Variants in SALL3 observed in about 807,000 individuals in gnomAD.
The protein encoded by SALL3 is spalt like transcription factor 3, also known as sal-like protein 3.
In SALL3, 25 loss-of-function variants were observed where a neutral mutation model predicts 66.2. The observed-to-expected ratio is 0.38, with a 90% CI of 0.28 to 0.53. SALL3 has a LOEUF of 0.53. SALL3 is among the 20% of genes least tolerant of loss of function. The pLI is 0.85. For synonymous variants in SALL3, 1,152 were observed against 899.1 expected (o/e 1.28, Z -5.03); for missense variants, 2,194 against 1,916.5 (o/e 1.14, Z -2.70).
rs112854456 is a variant in SALL3 at position 78,979,868 on chromosome 18, G to A, written c.-407G>A. On this transcript the variant is annotated 5_prime_UTR_variant, in exon 1 of 3. Coordinates refer to ENST00000537592, the MANE Select transcript of SALL3 (RefSeq NM_171999.4). ...CAAAGTTTGCTGCCTGCGCCCTGCG[G>A]AGGGACGGCCACCGCGGCCCGCGCC... 0.24 allele frequency among the ~76,000 whole-genome samples: 35,011 copies of A among 144,156 alleles called. 5,011 individuals are homozygous for A. The highest frequency in any genetic ancestry group is 0.54 in the East Asian group (2,566 of 4,762). 94.6% of individuals were successfully genotyped at this position (144,156 alleles called of 152,430 possible).
intron 1 of SALL3, among the ~76,000 whole-genome samples, chr18:78,989,119 A>G (rs757307378): frequency 2.1e-4 from 32 of 152,336 alleles, no homozygotes; most frequent in Non-Finnish European, 4.0e-4. Flanking sequence ...ATTGCTTTAA[A>G]CAAAATGACT....
chr18:78,995,726 C>T (rs1486736159), intron 2 of SALL3, among the ~76,000 whole-genome samples: 1 of 151,588 alleles, frequency 6.6e-6, no homozygotes, highest in East Asian at 1.9e-4. Flanking sequence ...TGTGTAGGTG[C>T]CCTATGTGTG....
In SALL3 at chr18:78,993,161, G is replaced by A; in HGVS notation, c.1170G>A (p.Leu390=). The change falls in exon 2 of 3, where the codon CTG becomes CTA. Residue 390 remains leucine (L), a synonymous_variant. Transcript: ENST00000537592. ...CCACGGCCAACGCTCTGGACCCGCT[G>A]TCCGCGCTCATGAAGCACCGCAAGG... ...IAATANALDP[L]SALMKHRKGK... The A allele has an allele frequency of 6.2e-7, 1 of 1,607,644 alleles. No individual in the cohort carries two copies. The highest frequency in any genetic ancestry group is 8.5e-7 in the Non-Finnish European group (1 of 1,178,118).
rs1208216455 is a variant in SALL3, at chr18:78,979,835, G to C, written c.-440G>C. ...GCGCCGGCGGAGACGGCGCCGCGCG[G>C]ACGCCGCCAAAGTTTGCTGCCTGCG... On this transcript the variant is annotated 5_prime_UTR_variant, in exon 1 of 3. Transcript: ENST00000537592. Among the ~76,000 whole-genome samples, 1 of 144,914 alleles carries C rather than the reference G, an allele frequency of 6.9e-6. No homozygotes were observed. Among genetic ancestry groups the C allele is most frequent in the Non-Finnish European group, 1.5e-5 (1 of 65,266 alleles).
At position 78,997,025 on chromosome 18, in the gene SALL3, T is replaced by C; in HGVS notation, c.3606T>C (p.Ala1202=). 1.2e-6 allele frequency: 2 copies of C among 1,614,136 alleles called. No individual in the cohort carries two copies. Among genetic ancestry groups the C allele is most frequent in the Non-Finnish European group, 1.7e-6 (2 of 1,180,036 alleles). ...FSEMFQKDLA[A]RAMNVDPSFW... is the part of the protein sequence containing the mutation. Reference sequence around the variant, plus strand: ...AAATGTTCCAGAAGGACCTGGCAGCTCGGGCAATGAACGTCGACCCCAGTT... The same window carrying C: ...AAATGTTCCAGAAGGACCTGGCAGCCCGGGCAATGAACGTCGACCCCAGTT... The change falls in exon 3 of 3, where the codon GCT becomes GCC. Residue 1202 remains alanine, a synonymous_variant. Transcript: ENST00000537592.
rs1568294807 is a variant in SALL3 at position 78,993,395 on chromosome 18, G to A, written c.1404G>A (p.Gln468=). Residue 468 remains glutamine (Q), a synonymous_variant, in exon 2 of 3, where the codon CAG becomes CAA. Coordinates refer to ENST00000537592, the MANE Select transcript of SALL3 (RefSeq NM_171999.4). ...AAGGCAACCTGAAGGTGCACTTCCA[G>A]AGGCACAAGGAGAAGTACCCCCACA... ...STKGNLKVHF[Q]RHKEKYPHIQ... 6 of 1,612,654 alleles carry A rather than the reference G, an allele frequency of 3.7e-6. No individual in the cohort carries two copies. The Admixed American group carries it at 8.3e-5, about 22-fold the overall frequency.
rs967440323 is a variant in SALL3, at chr18:78,993,604, A to C, written c.1613A>C (p.His538Pro). 3 of 1,585,460 alleles carry C rather than the reference A, an allele frequency of 1.9e-6. No homozygotes were observed. The highest frequency in any genetic ancestry group is 2.6e-6 in the Non-Finnish European group (3 of 1,173,170). Residue 538 changes from histidine (H) to proline (P), a missense_variant, in exon 2 of 3, where the codon CAC becomes CCC. Transcript: ENST00000537592. ...CTGCCGCCCACTGTCCCTGGCGCGC[A>C]CGGCTACGCCGACTCTCCCAGCGCC... is the stretch of plus-strand genomic sequence containing the variant. ...LQLPPTVPGAHGYADSPSATP... is the reference protein window; with the variant it reads ...LQLPPTVPGAPGYADSPSATP...
In SALL3 at chr18:78,992,276, C is replaced by T; in HGVS notation, c.285C>T (p.Pro95=). 1 of 1,544,000 alleles carries T rather than the reference C, an allele frequency of 6.5e-7. No homozygotes were observed. The highest frequency in any genetic ancestry group is 1.4e-5 in the African/African-American group (1 of 70,812). ...DAPAPPPEDF[P]EPSPASSPSE... is the part of the protein sequence containing the mutation. ...CCGCGCCGCCCCCCGAGGACTTCCC[C>T]GAGCCTTCGCCCGCCAGCTCCCCCA... is the stretch of plus-strand genomic sequence containing the variant. Residue 95 remains proline, a synonymous_variant, in exon 2 of 3, where the codon CCC becomes CCT. Coordinates refer to ENST00000537592, the MANE Select transcript of SALL3 (RefSeq NM_171999.4).
rs1301932139 is a variant in SALL3 at position 78,994,855 on chromosome 18, G to T, written c.2864G>T (p.Gly955Val). The change falls in exon 2 of 3, where the codon GGC (glycine) becomes GTC (valine). Residue 955 changes from glycine (G) to valine (V), a missense_variant. Physicochemically the swap from Gly to Val is moderately radical, Grantham distance 109. Transcript: ENST00000537592. Reference protein sequence around the residue: ...PGSGGAPGRAGIKEEAPFSLL... With the variant: ...PGSGGAPGRAVIKEEAPFSLL... ...AGCGGAGGCGCCCCTGGCCGCGCGG[G>T]CATCAAGGAGGAGGCGCCCTTCAGC... is the stretch of plus-strand genomic sequence containing the variant. 1 of 1,602,420 alleles carries T rather than the reference G, an allele frequency of 6.2e-7. No individual in the cohort carries two copies. The highest frequency in any genetic ancestry group is 1.7e-5 in the Admixed American group (1 of 58,420).
At position 78,997,249 on chromosome 18, in the gene SALL3, C is replaced by A; in HGVS notation, c.3830C>A (p.Ala1277Glu). Reference protein sequence around the residue: ...SSPPIVSLDKASSETAASRPF... With the variant: ...SSPPIVSLDKESSETAASRPF... ...CCACCCATCGTCAGCTTGGACAAAGCGAGCTCAGAAACAGCAGCCAGCCGC... is the reference window on the plus strand; with the variant it reads ...CCACCCATCGTCAGCTTGGACAAAGAGAGCTCAGAAACAGCAGCCAGCCGC... Residue 1277 changes from alanine (A) to glutamate (E), a missense_variant, in exon 3 of 3, where the codon GCG becomes GAG. Coordinates refer to ENST00000537592, the MANE Select transcript of SALL3 (RefSeq NM_171999.4). The A allele has an allele frequency of 6.2e-7, 1 of 1,614,028 alleles. No homozygotes were observed. Among genetic ancestry groups the A allele is most frequent in the Non-Finnish European group, 8.5e-7 (1 of 1,180,034 alleles).
At chr18:78,987,335 A>G (rs941931526) in intron 1 of SALL3, among the ~76,000 whole-genome samples, 45 of 152,246 alleles carry the variant, frequency 3.0e-4, no homozygotes, top group African/African-American at 1.0e-3. Context: ...ACTCCTAAGA[A>G]TAGGAACATT....
At chr18:78,986,230 A>C (rs577917189) in intron 1 of SALL3, among the ~76,000 whole-genome samples, 2 of 152,180 alleles carry the variant, frequency 1.3e-5, no homozygotes, top group African/African-American at 4.8e-5. Context: ...AAAAACTGCA[A>C]ATGTTTTAAG....
chr18:78,995,080 A>G lies in SALL3; in HGVS notation c.3089A>G (p.Lys1030Arg). 1.2e-6 allele frequency: 2 copies of G among 1,613,868 alleles called. No individual in the cohort carries two copies. The highest frequency in any genetic ancestry group is 1.7e-6 in the Non-Finnish European group (2 of 1,180,012). ...LKQHLLTHRLKELPSQLFDPN... is the reference protein window; with the variant it reads ...LKQHLLTHRLRELPSQLFDPN... Reference sequence around the variant, plus strand: ...CAGCACTTACTGACACACAGATTGAAAGAGCTGCCTTCTCAGTTATTTGAC... The same window carrying G: ...CAGCACTTACTGACACACAGATTGAGAGAGCTGCCTTCTCAGTTATTTGAC... The change falls in exon 2 of 3, where the codon AAA becomes AGA. Residue 1030 changes from lysine (K) to arginine (R), a missense_variant. Physicochemically the swap from Lys to Arg is conservative, Grantham distance 26. Coordinates refer to ENST00000537592, the MANE Select transcript of SALL3 (RefSeq NM_171999.4).
chr18:78,983,369 A>G (rs954288471), intron 1 of SALL3, among the ~76,000 whole-genome samples: 3 of 152,252 alleles, frequency 2.0e-5, no homozygotes, highest in African/African-American at 7.2e-5. Flanking sequence ...CAATACTGCT[A>G]TTCTTTATTG....
intron 1 of SALL3, among the ~76,000 whole-genome samples, chr18:78,982,317 A>G (rs1914098689): frequency 1.3e-5 from 2 of 152,136 alleles, no homozygotes; most frequent in African/African-American, 4.8e-5. Flanking sequence ...CCCGTGGTAG[A>G]ATTGAAGTTC....
In SALL3 at chr18:78,998,828, A is replaced by T. The variant is rs79546188; in HGVS notation, c.*1506A>T. On this transcript the variant is annotated 3_prime_UTR_variant, in exon 3 of 3. Transcript: ENST00000537592. ...TTTTTCAGAACACAGCCTGACGCTG[A>T]TGGCTGAGCTGCATCCAGCCAGGAG... The T allele has an allele frequency of 6.6e-6, 1 of 152,254 alleles. No individual in the cohort carries two copies. The highest frequency in any genetic ancestry group is 1.5e-5 in the Non-Finnish European group (1 of 68,052). 9.4% of individuals were successfully genotyped at this position (152,254 alleles called of 1,614,324 possible). A position where few individuals can be genotyped will look rare whatever the true frequency, so the allele number is the denominator to read the frequency against.
chr18:78,992,099 C>G lies in SALL3; in HGVS notation c.108C>G (p.Asp36Glu). The G allele has an allele frequency of 1.3e-6, 2 of 1,568,568 alleles. No individual in the cohort carries two copies. The highest frequency in any genetic ancestry group is 1.7e-6 in the Non-Finnish European group (2 of 1,157,284). The change falls in exon 2 of 3, where the codon GAC becomes GAG. Residue 36 changes from aspartate (D) to glutamate (E), a missense_variant. Asp to Glu is a conservative substitution (Grantham distance 45, BLOSUM62 2). Coordinates refer to ENST00000537592, the MANE Select transcript of SALL3 (RefSeq NM_171999.4). ...CCGCCCCGGGGGAAGGTGCGGAGGA[C>G]GCAGACAGCGGGCCCGAGAGCCGCA... Reference protein sequence around the residue: ...EHAAPGEGAEDADSGPESRSG... With the variant: ...EHAAPGEGAEEADSGPESRSG...
intron 1 of SALL3, among the ~76,000 whole-genome samples, chr18:78,987,027 A>C (rs1914268121): frequency 6.6e-6 from 1 of 152,114 alleles, no homozygotes; most frequent in South Asian, 2.1e-4. Context: ...TGAGCATTTT[A>C]ATATTATTCT....
intron 1 of SALL3, 35 bp downstream of exon 1, chr18:78,980,391 T>C: frequency 1.5e-6 from 2 of 1,291,348 alleles, no homozygotes; most frequent in Non-Finnish European, 2.0e-6. Context: ...CCGGGGGGTC[T>C]GGGGCTGCCC....
Sources: allele counts gnomAD v4.1 joint callset (sites outside exome capture counted in the v4.1 genomes callset), GRCh38; gene constraint gnomAD v4.1.1; transcripts MANE v1.5; gene names NCBI Gene and HGNC (gene_info 2026-07-23, HGNC 2026-07-21).